Variants in TGFBRAP1 observed in about 807,000 individuals in gnomAD.
The protein encoded by TGFBRAP1 is transforming growth factor-beta receptor-associated protein 1.
In TGFBRAP1, 20 loss-of-function variants were observed where a neutral mutation model predicts 83.2. That is an observed-to-expected ratio of 0.24 (90% confidence interval 0.17 to 0.35). The LOEUF is 0.35. TGFBRAP1 is among the 10% of genes least tolerant of loss of function. TGFBRAP1 has a pLI of 1.00. For synonymous variants in TGFBRAP1, 415 were observed against 459.8 expected (o/e 0.90, Z 1.25); for missense variants, 950 against 1,099.4 (o/e 0.86, Z 1.92).
In TGFBRAP1 at chr2:105,269,237, T is replaced by G. The variant is rs1217006888; in HGVS notation, c.2406+35A>C. ...AATCTACCTTCAGTACAATGTTGAC[T>G]GACCAGGAAGCAGCTCGTGGGGGCC... On this transcript the variant is annotated intron_variant, in intron 11 of 11. Coordinates refer to ENST00000393359, the MANE Select transcript of TGFBRAP1 (RefSeq NM_004257.6). This position sits in a 1 kb window ranked among gnomAD's most constrained non-coding sequence, Gnocchi z 4.1. 1 of 1,542,082 alleles carries G rather than the reference T, an allele frequency of 6.5e-7. No homozygotes were observed. The highest frequency in any genetic ancestry group is 8.8e-7 in the Non-Finnish European group (1 of 1,140,150).
At chr2:105,289,316 AT>A (rs1677825095) in intron 4 of TGFBRAP1, among the ~76,000 whole-genome samples, 1 of 152,074 alleles carries the variant, frequency 6.6e-6, no homozygotes, top group Non-Finnish European at 1.5e-5. Context: ...TTGCCATTTG[AT>A]TTTTCTTTTA....
At chr2:105,291,906 C>A (rs1410495153) in intron 4 of TGFBRAP1, among the ~76,000 whole-genome samples, 1 of 152,202 alleles carries the variant, frequency 6.6e-6, no homozygotes, top group East Asian at 1.9e-4. Flanking sequence ...GATCAAGTCA[C>A]TACAAGGGAA....
chr2:105,299,027 C>T lies in TGFBRAP1; in HGVS notation c.689-322G>A, dbSNP rs562273575. ...GACGTGGTGGCTCACACCTGTAATCCCAACATGTTGGGAGACAGAGGCGGG... is the reference window on the plus strand; with the variant it reads ...GACGTGGTGGCTCACACCTGTAATCTCAACATGTTGGGAGACAGAGGCGGG... On this transcript the variant is annotated intron_variant, in intron 2 of 11. Transcript: ENST00000393359. Among the ~76,000 whole-genome samples the T allele has an allele frequency of 3.3e-5, 5 of 152,116 alleles. No homozygotes were observed. The South Asian group carries it at 1.0e-3, about 32-fold the overall frequency.
At chr2:105,287,248 C>T (rs1042386521) in intron 4 of TGFBRAP1, among the ~76,000 whole-genome samples, 2 of 152,060 alleles carry the variant, frequency 1.3e-5, no homozygotes, top group Non-Finnish European at 2.9e-5. Context: ...GCGTTTCTGC[C>T]TGGGAAGATG....
chr2:105,302,197 T>C (rs958918106), intron 2 of TGFBRAP1, among the ~76,000 whole-genome samples: 3 of 152,150 alleles, frequency 2.0e-5, no homozygotes, highest in Non-Finnish European at 2.9e-5. Flanking sequence ...TTGGACAACA[T>C]CCTCTGTTGG....
At position 105,267,190 on chromosome 2, in the gene TGFBRAP1, TG is replaced by T; in HGVS notation, c.*192del. The T allele has an allele frequency of 2.7e-5, 1 of 37,098 alleles. No individual in the cohort carries two copies. The highest frequency in any genetic ancestry group is 4.5e-5 in the Non-Finnish European group (1 of 22,428). The allele number at this position is 37,098 out of a possible 1,614,324, so 2.3% of individuals were successfully genotyped here. A position where few individuals can be genotyped will look rare whatever the true frequency, so the allele number is the denominator to read the frequency against. On this transcript the variant is annotated 3_prime_UTR_variant, in exon 12 of 12. Coordinates refer to ENST00000393359, the MANE Select transcript of TGFBRAP1 (RefSeq NM_004257.6). ...GTTTTCCATGTACATTCATAGAGCC[TG>T]GTCATTCCATGTACATTCATAGAGC... is the stretch of plus-strand genomic sequence containing the variant.
chr2:105,250,642 C>T, the TGFBRAP1 span, among the ~76,000 whole-genome samples: 24 of 142,908 alleles, frequency 1.7e-4, no homozygotes, highest in East Asian at 1.2e-3. Context: ...CCTCTCCCCA[C>T]GGTCTCCCTC....
At chr2:105,256,173 T>C in the TGFBRAP1 span, among the ~76,000 whole-genome samples, 1 of 152,186 alleles carries the variant, frequency 6.6e-6, no homozygotes, top group African/African-American at 2.4e-5. Flanking sequence ...CAGAAGGAAA[T>C]GTTGGCAGTG....
At chr2:105,317,903 A>C (rs367896116) in intron 1 of TGFBRAP1, among the ~76,000 whole-genome samples, 19 of 152,306 alleles carry the variant, frequency 1.2e-4, no homozygotes, top group African/African-American at 4.3e-4. Flanking sequence ...TAGCACCTGG[A>C]ATTTGCAAAT....
chr2:105,280,827 G>C, intron 5 of TGFBRAP1, 104 bp from the exon 6 acceptor site: 1 of 1,266,210 alleles, frequency 7.9e-7, no homozygotes, highest in Middle Eastern at 2.0e-4. Flanking sequence ...ACGTTCACAG[G>C]GGGCTGGGGA....
chr2:105,293,659 T>C (rs1677988200), intron 4 of TGFBRAP1, among the ~76,000 whole-genome samples: 1 of 152,240 alleles, frequency 6.6e-6, no homozygotes, highest in Admixed American at 6.5e-5. Context: ...CTTTAAAACA[T>C]ACACATTTAT....
At chr2:105,292,540 C>T (rs1677947631) in intron 4 of TGFBRAP1, among the ~76,000 whole-genome samples, 1 of 151,242 alleles carries the variant, frequency 6.6e-6, no homozygotes, top group Non-Finnish European at 1.5e-5. Context: ...AAAAATACAA[C>T]ACAAACATTC....
chr2:105,321,458 A>T (rs1679064648), intron 1 of TGFBRAP1, among the ~76,000 whole-genome samples: 1 of 152,136 alleles, frequency 6.6e-6, no homozygotes, highest in African/African-American at 2.4e-5. Flanking sequence ...GTGAGCCACC[A>T]TGCCTGGCCT....
intron 4 of TGFBRAP1, among the ~76,000 whole-genome samples, chr2:105,286,199 G>T (rs1385415138): frequency 6.6e-6 from 1 of 152,188 alleles, no homozygotes; most frequent in African/African-American, 2.4e-5. Flanking sequence ...TCTAGTCTGG[G>T]AATGCTACAT....
At chr2:105,296,279 G>T (rs1001894124) in intron 4 of TGFBRAP1, 77 bp downstream of exon 4, 1 of 1,558,578 alleles carries the variant, frequency 6.4e-7, no homozygotes. Context: ...AGGAAGGGCC[G>T]ATGCATGTTA....
intron 1 of TGFBRAP1, among the ~76,000 whole-genome samples, chr2:105,329,388 C>T (rs1679305063): frequency 6.6e-6 from 1 of 152,130 alleles, no homozygotes; most frequent in Middle Eastern, 3.4e-3. Context: ...GGCTAGCCGG[C>T]CCCCACAAGG....
intron 4 of TGFBRAP1, among the ~76,000 whole-genome samples, chr2:105,292,668 G>A (rs983037082): frequency 6.6e-6 from 1 of 151,846 alleles, no homozygotes. Context: ...AGGAGGGAGA[G>A]AGAGAGAGAA....
intron 1 of TGFBRAP1, among the ~76,000 whole-genome samples, chr2:105,315,462 T>C (rs1423702317): frequency 6.6e-6 from 1 of 152,218 alleles, no homozygotes; most frequent in African/African-American, 2.4e-5. Context: ...AAATTTGTAA[T>C]GCATATATCT....
At chr2:105,319,408 T>C (rs1264631925) in intron 1 of TGFBRAP1, among the ~76,000 whole-genome samples, 5 of 146,216 alleles carry the variant, frequency 3.4e-5, no homozygotes, top group Admixed American at 3.4e-4. Context: ...AAGAGGCTTG[T>C]AGGCCAGGCG....
Sources: allele counts gnomAD v4.1 joint callset (sites outside exome capture counted in the v4.1 genomes callset), GRCh38; gene constraint gnomAD v4.1.1; non-coding constraint Gnocchi (gnomAD v3.1); transcripts MANE v1.5; gene names NCBI Gene and HGNC (gene_info 2026-07-23, HGNC 2026-07-21).